The following RAP1GAP2 variants were observed in gnomAD, a reference collection of about 807,000 sequenced individuals.
RAP1GAP2 encodes rap1 GTPase-activating protein 2.
A neutral mutation model predicts 95.0 loss-of-function variants in RAP1GAP2; 27 were observed. The ratio of observed to expected loss-of-function variants is 0.28; its 90% CI spans 0.21 to 0.39. The LOEUF (loss-of-function observed/expected upper bound fraction) is 0.39. RAP1GAP2 is among the 10% of genes least tolerant of loss of function. The probability of loss-of-function intolerance (pLI) is 1.00; values close to 1 mark genes in which losing one functional copy is unlikely to be tolerated. For synonymous variants in RAP1GAP2, 373 were observed against 380.9 expected (o/e 0.98, Z 0.24); for missense variants, 771 against 970.0 (o/e 0.79, Z 2.72).
Position 2,797,778 on chromosome 17 carries a change from C to A in RAP1GAP2, c.44+1207C>A, listed in dbSNP as rs532979228. 1 of 985,188 alleles carries A rather than the reference C, an allele frequency of 1.0e-6. No homozygotes were observed. The highest frequency in any genetic ancestry group is 1.2e-6 in the Non-Finnish European group (1 of 829,912). The allele number at this position is 985,188 out of a possible 1,614,324, so 61.0% of individuals were successfully genotyped here. On this transcript the variant is annotated intron_variant, in intron 1 of 24. Coordinates refer to ENST00000254695, the MANE Select transcript of RAP1GAP2 (RefSeq NM_015085.5). This position sits in a 1 kb window ranked among gnomAD's most constrained non-coding sequence, Gnocchi z 5.6. Reference sequence around the variant, plus strand: ...CGCCTGGATCTGGGAGCTGCCACCCCGAGGGTAGGTGCCAGTGTCCGGGAG... The same window carrying A: ...CGCCTGGATCTGGGAGCTGCCACCCAGAGGGTAGGTGCCAGTGTCCGGGAG...
Position 2,850,106 on chromosome 17 carries a change from T to G in RAP1GAP2, c.80+49556T>G, listed in dbSNP as rs543788495. ...ACCTCTGCCTCCCGGGTTCATGCCA[T>G]TCCCCTGCCTCAGCCTCCCGAGTAG... On this transcript the variant is annotated intron_variant, in intron 2 of 24. Coordinates refer to ENST00000254695, the MANE Select transcript of RAP1GAP2 (RefSeq NM_015085.5). 2.7e-5 allele frequency among the ~76,000 whole-genome samples: 4 copies of G among 149,670 alleles called. No individual in the cohort carries two copies. In the East Asian group the frequency reaches 8.2e-4, roughly 31 times the overall value.
At chr17:2,966,788 G>C (rs1453893953) in intron 8 of RAP1GAP2, among the ~76,000 whole-genome samples, 3 of 152,178 alleles carry the variant, frequency 2.0e-5, no homozygotes, top group Admixed American at 6.5e-5. Context: ...TTTCCAGCTA[G>C]GTGAACCTCT....
chr17:2,756,603 A>T (rs890070568), intron 1 of RAP1GAP2, among the ~76,000 whole-genome samples: 1 of 152,146 alleles, frequency 6.6e-6, no homozygotes, highest in African/African-American at 2.4e-5. Context: ...CAAGATTCAA[A>T]AGAGAATGTC....
At position 2,827,845 on chromosome 17, in the gene RAP1GAP2, AG is replaced by A. The variant is rs1223412733; in HGVS notation, c.80+27298del. On this transcript the variant is annotated intron_variant, in intron 2 of 24. Coordinates refer to ENST00000254695, the MANE Select transcript of RAP1GAP2 (RefSeq NM_015085.5). This position sits in a 1 kb window ranked among gnomAD's most constrained non-coding sequence, Gnocchi z 4.1. The stretch of plus-strand genomic sequence containing the variant: ...AAAATCCCCTTGAAAAACAAGGGGG[AG>A]GGTTCATACACGATCGGTTGCAGCA... Among the ~76,000 whole-genome samples the A allele has an allele frequency of 6.7e-6, 1 of 149,432 alleles. No individual in the cohort carries two copies. Among genetic ancestry groups the A allele is most frequent in the Non-Finnish European group, 1.5e-5 (1 of 67,654 alleles).
chr17:2,946,557 A>G (rs1406563682), intron 3 of RAP1GAP2, among the ~76,000 whole-genome samples: 2 of 152,154 alleles, frequency 1.3e-5, no homozygotes, highest in Admixed American at 6.5e-5. Context: ...AAGATGTCCT[A>G]TAAAAACCCA....
chr17:3,021,999 C>T (rs565061206), intron 19 of RAP1GAP2, among the ~76,000 whole-genome samples: 49 of 152,252 alleles, frequency 3.2e-4, no homozygotes, highest in Non-Finnish European at 5.9e-4. Context: ...GATATATTTA[C>T]CCTGCAGGGG....
intron 3 of RAP1GAP2, among the ~76,000 whole-genome samples, chr17:2,928,690 C>G (rs977974932): frequency 1.3e-5 from 2 of 152,106 alleles, no homozygotes; most frequent in African/African-American, 4.8e-5. Flanking sequence ...GGCAAACACT[C>G]CAGCAGCGCC....
chr17:2,773,103 G>C (rs1280738054), upstream of RAP1GAP2, among the ~76,000 whole-genome samples: 1 of 152,096 alleles, frequency 6.6e-6, no homozygotes, highest in Non-Finnish European at 1.5e-5. Flanking sequence ...CTCCCAGAGT[G>C]CTGGGATTAC....
chr17:2,793,153 A>AT (rs200252910), upstream of RAP1GAP2, among the ~76,000 whole-genome samples: 3,277 of 138,984 alleles, frequency 0.024, 43 homozygotes, highest in African/African-American at 0.036. Flanking sequence ...TTGCAACAGG[A>AT]TTTTTTTTTT....
At chr17:2,878,585 G>T (rs1336704555) in intron 2 of RAP1GAP2, among the ~76,000 whole-genome samples, 1 of 152,186 alleles carries the variant, frequency 6.6e-6, no homozygotes, top group African/African-American at 2.4e-5. Context: ...CAACACCCTT[G>T]ATTTAGGGCA....
At chr17:2,998,696 G>GT (rs1173960310) in intron 14 of RAP1GAP2, among the ~76,000 whole-genome samples, 2 of 151,834 alleles carry the variant, frequency 1.3e-5, no homozygotes, top group Non-Finnish European at 2.9e-5. Context: ...TGTGAGTGTA[G>GT]TATTTGGAAT....
chr17:2,967,177 G>C (rs1370507068), intron 8 of RAP1GAP2, among the ~76,000 whole-genome samples: 1 of 152,064 alleles, frequency 6.6e-6, no homozygotes, highest in African/African-American at 2.4e-5. Flanking sequence ...GACCATCCTG[G>C]CTAACACGGT....
chr17:3,018,330 C>T, intron 18 of RAP1GAP2, 132 bp downstream of exon 18: 1 of 1,240,156 alleles, frequency 8.1e-7, no homozygotes, highest in South Asian at 1.6e-5. Context: ...TGGTGGGAAA[C>T]TGAGGCTGCT....
At chr17:2,941,885 G>A (rs762862629) in intron 3 of RAP1GAP2, among the ~76,000 whole-genome samples, 12 of 152,102 alleles carry the variant, frequency 7.9e-5, no homozygotes, top group Non-Finnish European at 1.3e-4. Context: ...GTTTTACCGT[G>A]TTGGTCAGGC....
intron 3 of RAP1GAP2, among the ~76,000 whole-genome samples, chr17:2,935,225 A>C (rs1200396410): frequency 6.6e-6 from 1 of 152,154 alleles, no homozygotes; most frequent in Non-Finnish European, 1.5e-5. Context: ...GAACATATTC[A>C]GGCCAGGCGC....
rs546603228 is a variant in RAP1GAP2, at chr17:2,832,297, G to A, written c.80+31747G>A. Among the ~76,000 whole-genome samples, 29 of 151,518 alleles carry A rather than the reference G, an allele frequency of 1.9e-4. No homozygotes were observed. In the East Asian group the frequency reaches 2.1e-3, roughly 11 times the overall value. ...GTCTCGGCCGGGCGCGGTGGCTCAT[G>A]CCTGTAATCCCAGCACTTTGGGAGG... is the stretch of plus-strand genomic sequence containing the variant. On this transcript the variant is annotated intron_variant, in intron 2 of 24. Coordinates refer to ENST00000254695, the MANE Select transcript of RAP1GAP2 (RefSeq NM_015085.5).
At chr17:3,024,823 T>C (rs1418681643) in intron 19 of RAP1GAP2, among the ~76,000 whole-genome samples, 2 of 152,260 alleles carry the variant, frequency 1.3e-5, no homozygotes, top group South Asian at 4.1e-4. Flanking sequence ...TAACATATTA[T>C]ATGATTCTAT....
At chr17:2,764,426 A>T (rs938002753) in intron 1 of RAP1GAP2, among the ~76,000 whole-genome samples, 1 of 149,682 alleles carries the variant, frequency 6.7e-6, no homozygotes, top group Non-Finnish European at 1.5e-5. Context: ...TCTGTCTCAA[A>T]AAATAAAAAT....
intron 2 of RAP1GAP2, among the ~76,000 whole-genome samples, chr17:2,803,749 T>G (rs1444431753): frequency 1.3e-5 from 2 of 152,078 alleles, no homozygotes; most frequent in African/African-American, 4.8e-5. Context: ...TGTGGTGGTG[T>G]GCGCCTGTAG....
Sources: allele counts gnomAD v4.1 joint callset (sites outside exome capture counted in the v4.1 genomes callset), GRCh38; gene constraint gnomAD v4.1.1; non-coding constraint Gnocchi (gnomAD v3.1); transcripts MANE v1.5; gene names NCBI Gene and HGNC (gene_info 2026-07-23, HGNC 2026-07-21).